SLC25A21: variants seen among roughly 807,000 people sequenced by gnomAD.
SLC25A21 encodes the protein mitochondrial 2-oxodicarboxylate carrier.
A neutral mutation model predicts 43.8 loss-of-function variants in SLC25A21; 47 were observed. The observed-to-expected ratio is 1.07, with a 90% CI of 0.85 to 1.37. The LOEUF is 1.37. Among genes scored for constraint, SLC25A21 ranks in the 40% most tolerant of loss-of-function variants. The probability of loss-of-function intolerance (pLI) is 0.00; values close to 1 mark genes in which losing one functional copy is unlikely to be tolerated. For synonymous variants in SLC25A21, 131 were observed against 121.3 expected (o/e 1.08, Z -0.52); for missense variants, 352 against 350.2 (o/e 1.00, Z -0.04).
intron 1 of SLC25A21, among the ~76,000 whole-genome samples, chr14:37,108,779 C>T (rs895765323): frequency 6.6e-6 from 1 of 150,922 alleles, no homozygotes; most frequent in Non-Finnish European, 1.5e-5. Flanking sequence ...TGTGTTTTGG[C>T]TTTTCAGTCT....
At chr14:37,001,263 G>A (rs1385361233) in intron 1 of SLC25A21, among the ~76,000 whole-genome samples, 1 of 152,162 alleles carries the variant, frequency 6.6e-6, no homozygotes, top group Non-Finnish European at 1.5e-5. Context: ...CTAAATGAGT[G>A]AATTACTAGC....
chr14:37,043,940 G>GTTTTTTTTTTTTTTTTTTTTTTT (rs59081965), intron 1 of SLC25A21, among the ~76,000 whole-genome samples: 1 of 56,764 alleles, frequency 1.8e-5, no homozygotes, highest in Non-Finnish European at 3.6e-5. Flanking sequence ...ATGTTTTTTT[G>GTTTTTTTTTTTTTTTTTTTTTTT]TTTTTTTTTT....
intron 1 of SLC25A21, among the ~76,000 whole-genome samples, chr14:37,103,562 T>A (rs1962856984): frequency 6.6e-6 from 1 of 152,232 alleles, no homozygotes; most frequent in Non-Finnish European, 1.5e-5. Flanking sequence ...AGAAATTAAG[T>A]AACTTGCCTA....
chr14:36,971,078 CAT>C (rs2138686131), intron 1 of SLC25A21, among the ~76,000 whole-genome samples: 2 of 152,176 alleles, frequency 1.3e-5, no homozygotes, highest in East Asian at 3.9e-4. Context: ...TTCAGGTAAA[CAT>C]GTGAGGTCAT....
chr14:36,932,555 A>AAG (rs1376925528), intron 1 of SLC25A21, among the ~76,000 whole-genome samples: 3 of 152,106 alleles, frequency 2.0e-5, no homozygotes, highest in Non-Finnish European at 4.4e-5. Context: ...TGCTGGTGAA[A>AAG]CAAAATTAAA....
At chr14:36,823,982 C>G (rs1888728207) in intron 2 of SLC25A21, among the ~76,000 whole-genome samples, 1 of 152,166 alleles carries the variant, frequency 6.6e-6, no homozygotes, top group Non-Finnish European at 1.5e-5. Flanking sequence ...GTTAAATCTG[C>G]TAGAACCCTC....
intron 1 of SLC25A21, among the ~76,000 whole-genome samples, chr14:36,927,686 G>A (rs1451161217): frequency 6.6e-6 from 1 of 152,080 alleles, no homozygotes; most frequent in Non-Finnish European, 1.5e-5. Context: ...TCCAGTATGT[G>A]GTTTGTGTGA....
chr14:36,703,870 C>T (rs929292416), intron 7 of SLC25A21, among the ~76,000 whole-genome samples: 1 of 152,106 alleles, frequency 6.6e-6, no homozygotes, highest in Non-Finnish European at 1.5e-5. Context: ...CATGGATATT[C>T]GAAAAAGATG....
At chr14:36,729,431 CAA>C (rs1884729700) in intron 5 of SLC25A21, 74 bp downstream of exon 5, 3 of 1,166,156 alleles carry the variant, frequency 2.6e-6, no homozygotes, top group African/African-American at 1.6e-5. Flanking sequence ...GCTTGGAAAT[CAA>C]AAGAGTTTTT....
rs915272965 is a variant in SLC25A21 at position 36,848,063 on chromosome 14, G to C, written c.119+26893C>G. On this transcript the variant is annotated intron_variant, in intron 2 of 9. Transcript: ENST00000331299. ...GGTGACCAACAGATGTGTGCAGTGA[G>C]GGGGAGGGAAAAGTCAGGGTGGAGA... is the stretch of plus-strand genomic sequence containing the variant. Among the ~76,000 whole-genome samples the C allele has an allele frequency of 2.6e-4, 39 of 152,232 alleles. 1 individual carries two copies. The highest frequency in any genetic ancestry group is 9.4e-4 in the African/African-American group (39 of 41,540).
intron 1 of SLC25A21, among the ~76,000 whole-genome samples, chr14:36,923,296 C>A (rs1283063222): frequency 6.6e-6 from 1 of 152,062 alleles, no homozygotes; most frequent in Non-Finnish European, 1.5e-5. Flanking sequence ...AAGCAATAGA[C>A]AAACATGTTC....
Position 36,714,865 on chromosome 14 carries a change from T to C in SLC25A21, c.439-3383A>G, listed in dbSNP as rs1449677021. Among the ~76,000 whole-genome samples the C allele has an allele frequency of 2.0e-5, 3 of 152,306 alleles. No homozygotes were observed. The East Asian group carries it at 5.8e-4, about 29-fold the overall frequency. Reference sequence around the variant, plus strand: ...ACAACAGAGTTCCAACTGAGGTTCCTTGGACTCCAAATCTGTACTTTTACA... The same window carrying C: ...ACAACAGAGTTCCAACTGAGGTTCCCTGGACTCCAAATCTGTACTTTTACA... On this transcript the variant is annotated intron_variant, in intron 6 of 9. Coordinates refer to ENST00000331299, the MANE Select transcript of SLC25A21 (RefSeq NM_030631.4).
intron 1 of SLC25A21, among the ~76,000 whole-genome samples, chr14:37,048,659 T>C (rs1256664725): frequency 6.6e-6 from 1 of 152,136 alleles, no homozygotes; most frequent in African/African-American, 2.4e-5. Flanking sequence ...TCCAAAACTT[T>C]ACTCTGGTGT....
At chr14:36,918,183 T>C (rs1020715143) in intron 1 of SLC25A21, among the ~76,000 whole-genome samples, 1 of 152,130 alleles carries the variant, frequency 6.6e-6, no homozygotes, top group Non-Finnish European at 1.5e-5. Flanking sequence ...AGATTTACTG[T>C]AGAGATTGAG....
chr14:36,800,118 C>T (rs1347425384), intron 3 of SLC25A21, among the ~76,000 whole-genome samples: 2 of 152,018 alleles, frequency 1.3e-5, no homozygotes, highest in African/African-American at 4.8e-5. Flanking sequence ...GTGAAATTTT[C>T]CATCTTCTAG....
intron 2 of SLC25A21, among the ~76,000 whole-genome samples, chr14:36,827,486 C>A (rs1355464016): frequency 1.3e-5 from 2 of 152,138 alleles, no homozygotes; most frequent in Non-Finnish European, 2.9e-5. Context: ...TCAAAAAAAT[C>A]TTGATATACT....
intron 1 of SLC25A21, among the ~76,000 whole-genome samples, chr14:36,953,197 T>C (rs1707280044): frequency 6.6e-6 from 1 of 152,216 alleles, no homozygotes; most frequent in Non-Finnish European, 1.5e-5. Context: ...TTAAAATGTT[T>C]CTTAATCATC....
At chr14:37,018,678 A>G (rs1444597955) in intron 1 of SLC25A21, among the ~76,000 whole-genome samples, 1 of 151,892 alleles carries the variant, frequency 6.6e-6, no homozygotes, top group East Asian at 1.9e-4. Flanking sequence ...ACTCTTGCAG[A>G]TTTCTCATCT....
At chr14:37,030,216 T>C (rs1358338206) in intron 1 of SLC25A21, among the ~76,000 whole-genome samples, 1 of 152,134 alleles carries the variant, frequency 6.6e-6, no homozygotes, top group Non-Finnish European at 1.5e-5. Context: ...AAGTAGATCA[T>C]CATAAAGGTC....
Sources: gnomAD v4.1 joint callset for allele counts (sites outside exome capture counted in the v4.1 genomes callset) on GRCh38, gnomAD v4.1.1 for gene constraint, MANE v1.5 for transcripts, NCBI Gene and HGNC (gene_info 2026-07-23, HGNC 2026-07-21) for gene names.